The following SDK1 variants were observed in gnomAD, a reference collection of about 807,000 sequenced individuals.
SDK1 encodes protein sidekick-1.
SDK1 carries 157 observed loss-of-function variants against 245.5 expected under a neutral mutation model. The ratio of observed to expected loss-of-function variants is 0.64; its 90% CI spans 0.56 to 0.73. The LOEUF (loss-of-function observed/expected upper bound fraction) is 0.73, where lower values mean the gene tolerates loss of function less well. Ranked by LOEUF, SDK1 falls within the 30% of genes least tolerant of loss-of-function variation. The probability of loss-of-function intolerance (pLI) is 0.00; values close to 1 mark genes in which losing one functional copy is unlikely to be tolerated. For missense variants in SDK1, 3,583 were observed against 3,002.3 expected (o/e 1.19, Z -4.52); for synonymous variants, 1,647 against 1,278.5 (o/e 1.29, Z -6.15).
At chr7:3,629,937 C>T (rs753731553) in intron 2 of SDK1, among the ~76,000 whole-genome samples, 7 of 151,668 alleles carry the variant, frequency 4.6e-5, no homozygotes, top group East Asian at 3.9e-4. Flanking sequence ...AGTAGAGACA[C>T]GAAAAACACA....
At chr7:4,086,002 G>A (rs561485667) in intron 22 of SDK1, among the ~76,000 whole-genome samples, 2 of 152,318 alleles carry the variant, frequency 1.3e-5, no homozygotes, top group South Asian at 4.1e-4. Context: ...TTGCCTGTCT[G>A]CCACATAGAT....
intron 1 of SDK1, among the ~76,000 whole-genome samples, chr7:3,307,229 C>T (rs1335485346): frequency 1.3e-5 from 2 of 151,978 alleles, no homozygotes; most frequent in Non-Finnish European, 2.9e-5. Flanking sequence ...TAAGTATGTA[C>T]ACCTCTTTTT....
intron 1 of SDK1, among the ~76,000 whole-genome samples, chr7:3,515,032 C>T (rs1170656536): frequency 6.6e-6 from 1 of 151,998 alleles, no homozygotes; most frequent in Non-Finnish European, 1.5e-5. Context: ...TTGGAGGGTG[C>T]CTTTGGCACT....
At chr7:3,482,461 C>G (rs995033947) in intron 1 of SDK1, among the ~76,000 whole-genome samples, 2 of 152,012 alleles carry the variant, frequency 1.3e-5, no homozygotes, top group African/African-American at 4.8e-5. Context: ...AGATTTATTG[C>G]TGAATAAATC....
chr7:3,351,833 C>G (rs1244219572), intron 1 of SDK1, among the ~76,000 whole-genome samples: 1 of 152,042 alleles, frequency 6.6e-6, no homozygotes, highest in African/African-American at 2.4e-5. Context: ...AACTTGCAGA[C>G]AGAAATCTTA....
chr7:4,245,432 G>C (rs565344847), intron 43 of SDK1, among the ~76,000 whole-genome samples: 164 of 152,282 alleles, frequency 1.1e-3, no homozygotes, highest in Non-Finnish European at 1.8e-3. Context: ...GCACAGACCA[G>C]CTCTTCCTCC....
chr7:3,913,355 A>G (rs367938), intron 5 of SDK1, among the ~76,000 whole-genome samples: 116,404 of 148,324 alleles, frequency 0.78, 46,394 homozygotes, highest in East Asian at 0.99. Flanking sequence ...GTGCAGTGGC[A>G]CGATCTCGGC....
intron 1 of SDK1, among the ~76,000 whole-genome samples, chr7:3,548,235 G>C (rs1046100342): frequency 6.6e-6 from 1 of 152,136 alleles, no homozygotes; most frequent in Non-Finnish European, 1.5e-5. Flanking sequence ...GAAGGTGGTT[G>C]ATTCAATAAA....
intron 4 of SDK1, among the ~76,000 whole-genome samples, chr7:3,789,596 G>A (rs889669425): frequency 4.6e-5 from 7 of 152,192 alleles, no homozygotes; most frequent in African/African-American, 1.7e-4. Flanking sequence ...AAGAAAAGTG[G>A]TGACAGGTTG....
intron 1 of SDK1, among the ~76,000 whole-genome samples, chr7:3,339,014 G>A (rs980152411): frequency 6.6e-6 from 1 of 152,172 alleles, no homozygotes; most frequent in African/African-American, 2.4e-5. Flanking sequence ...AAAGGATAGA[G>A]ATTGGCACAG....
At chr7:4,228,959 C>T (rs1785592792) in intron 40 of SDK1, among the ~76,000 whole-genome samples, 1 of 152,092 alleles carries the variant, frequency 6.6e-6, no homozygotes, top group Non-Finnish European at 1.5e-5. Context: ...TGACTGTGTG[C>T]CCAGAATTGC....
intron 27 of SDK1, among the ~76,000 whole-genome samples, chr7:4,131,002 C>A (rs1349104713): frequency 2.0e-5 from 3 of 152,160 alleles, no homozygotes; most frequent in Admixed American, 2.0e-4. Context: ...CGCCTCGCCT[C>A]ACGGAGAGAC....
At chr7:3,798,656 G>A (rs967838261) in intron 4 of SDK1, among the ~76,000 whole-genome samples, 4 of 152,116 alleles carry the variant, frequency 2.6e-5, no homozygotes, top group East Asian at 3.9e-4. Flanking sequence ...CACTGGCAGC[G>A]ACAGGGTGGT....
chr7:4,067,969 A>G (rs1584007491), intron 20 of SDK1, 33 bp downstream of exon 20: 4 of 1,502,062 alleles, frequency 2.7e-6, no homozygotes, highest in Non-Finnish European at 3.7e-6. Flanking sequence ...AAAGGAAAAG[A>G]TAAGTTTGTC....
intron 1 of SDK1, among the ~76,000 whole-genome samples, chr7:3,518,107 T>G (rs773213031): frequency 4.6e-5 from 7 of 152,102 alleles, no homozygotes; most frequent in Non-Finnish European, 8.8e-5. Context: ...TATGTTTGTT[T>G]CCCCTAGAAG....
At chr7:3,405,679 T>C (rs6952184) in intron 1 of SDK1, among the ~76,000 whole-genome samples, 24,708 of 152,138 alleles carry the variant, frequency 0.16, 3,251 homozygotes, top group African/African-American at 0.36. Flanking sequence ...ACTTTAGCAA[T>C]AGAGCTGACA....
chr7:3,430,573 G>A (rs1266639180), intron 1 of SDK1, among the ~76,000 whole-genome samples: 1 of 152,142 alleles, frequency 6.6e-6, no homozygotes, highest in Non-Finnish European at 1.5e-5. Flanking sequence ...CTAGCCATCT[G>A]AGCCTCCTGT....
At chr7:4,179,538 C>T (rs1185437588) in intron 35 of SDK1, among the ~76,000 whole-genome samples, 1 of 152,062 alleles carries the variant, frequency 6.6e-6, no homozygotes, top group Non-Finnish European at 1.5e-5. Flanking sequence ...CCGGAATGGT[C>T]AAGCGGTATT....
Position 3,301,832 on chromosome 7 carries a change from C to G in SDK1, c.246C>G (p.Gly82=). The part of the protein sequence containing the change: ...RAAKLGPGRR[G]WWALLALQLH... ...CAAAGTTGGGGCCGGGCCGCCGCGG[C>G]TGGTGGGCGCTGCTGGCGCTGCAGC... is the stretch of plus-strand genomic sequence containing the variant. The change falls in exon 1 of 45, where the codon GGC becomes GGG. Residue 82 remains glycine (G), a synonymous_variant. Transcript: ENST00000404826. The G allele has an allele frequency of 5.4e-6, 6 of 1,121,128 alleles. No individual in the cohort carries two copies. The highest frequency in any genetic ancestry group is 5.4e-6 in the Non-Finnish European group (5 of 918,236). The allele number at this position is 1,121,128 out of a possible 1,614,324, so 69.4% of individuals were successfully genotyped here. A position where few individuals can be genotyped will look rare whatever the true frequency, so the allele number is the denominator to read the frequency against.
Sources: allele counts gnomAD v4.1 joint callset (sites outside exome capture counted in the v4.1 genomes callset), GRCh38; gene constraint gnomAD v4.1.1; transcripts MANE v1.5; gene names NCBI Gene and HGNC (gene_info 2026-07-23, HGNC 2026-07-21).